NKAIN3: variants seen among roughly 807,000 people sequenced by gnomAD.
The protein encoded by NKAIN3 is sodium/potassium transporting ATPase interacting 3.
NKAIN3 carries 25 observed loss-of-function variants against 30.2 expected under a neutral mutation model. That is an observed-to-expected ratio of 0.83 (90% confidence interval 0.60 to 1.16). The LOEUF (loss-of-function observed/expected upper bound fraction) is 1.16, where lower values mean the gene tolerates loss of function less well. Ranked by LOEUF, NKAIN3 falls within the 50% of genes most tolerant of loss-of-function variation. The probability of loss-of-function intolerance (pLI) is 0.00; values close to 1 mark genes in which losing one functional copy is unlikely to be tolerated. For synonymous variants in NKAIN3, 91 were observed against 89.6 expected, an observed-to-expected ratio of 1.02 and a Z score of -0.09; for missense variants, 225 against 254.1, an observed-to-expected ratio of 0.89 and a Z score of 0.78.
At chr8:62,473,511 A>G (rs1440213154) in intron 1 of NKAIN3, 1 of 152,178 alleles carries the variant, frequency 6.6e-6, no homozygotes, top group Admixed American at 6.5e-5. Flanking sequence ...TTCTCTATGG[A>G]AGACCTATAC....
At chr8:62,490,808 A>G (rs575874705) in intron 1 of NKAIN3, among the ~76,000 whole-genome samples, 3 of 150,784 alleles carry the variant, frequency 2.0e-5, no homozygotes, top group African/African-American at 7.4e-5. Flanking sequence ...AAACAGACGT[A>G]GAATCATTAC....
At chr8:62,730,131 T>A (rs556992695) in intron 3 of NKAIN3, among the ~76,000 whole-genome samples, 2 of 152,292 alleles carry the variant, frequency 1.3e-5, no homozygotes, top group South Asian at 4.1e-4. Context: ...CTATTATATT[T>A]TTTATTTTTA....
At chr8:62,249,889 C>T (rs890568854) in intron 1 of NKAIN3, among the ~76,000 whole-genome samples, 10 of 152,182 alleles carry the variant, frequency 6.6e-5, no homozygotes, top group African/African-American at 2.2e-4. Flanking sequence ...CAGAGCAGAG[C>T]AAATGCTCCT....
rs973157229 is a variant in NKAIN3, at chr8:62,965,907, T to A, written c.*500T>A. ...CAAATAATGGATCCAGCTTTTGGAT[T>A]GAATATGGGTCATTTTTTCAACAGC... On this transcript the variant is annotated 3_prime_UTR_variant, in exon 7 of 7. Transcript: ENST00000623646. 32 of 985,274 alleles carry A rather than the reference T, an allele frequency of 3.2e-5. No individual in the cohort carries two copies. The highest frequency in any genetic ancestry group is 3.7e-5 in the Non-Finnish European group (31 of 829,882). 61.0% of individuals were successfully genotyped at this position (985,274 alleles called of 1,614,324 possible).
At chr8:62,394,872 G>A (rs1244351438) in intron 1 of NKAIN3, among the ~76,000 whole-genome samples, 4 of 145,970 alleles carry the variant, frequency 2.7e-5, no homozygotes, top group South Asian at 2.2e-4. Flanking sequence ...TGGGGCGGCC[G>A]GGGGAGGCGC....
intron 1 of NKAIN3, among the ~76,000 whole-genome samples, chr8:62,255,728 G>T (rs1400915071): frequency 6.6e-6 from 1 of 152,178 alleles, no homozygotes; most frequent in Non-Finnish European, 1.5e-5. Context: ...TAGAGTCAAA[G>T]GGTTAAGTTC....
intron 1 of NKAIN3, among the ~76,000 whole-genome samples, chr8:62,295,461 A>G (rs1164410329): frequency 6.6e-6 from 1 of 152,166 alleles, no homozygotes; most frequent in Non-Finnish European, 1.5e-5. Context: ...TCATGGTTTG[A>G]ATCCTGATTC....
intron 4 of NKAIN3, among the ~76,000 whole-genome samples, chr8:62,801,176 C>A (rs1331530046): frequency 6.6e-6 from 1 of 152,234 alleles, no homozygotes; most frequent in Non-Finnish European, 1.5e-5. Flanking sequence ...GTAGGCTCCA[C>A]CTCTGGGGGC....
chr8:62,549,791 C>T (rs1267630127), intron 1 of NKAIN3, among the ~76,000 whole-genome samples: 1 of 151,370 alleles, frequency 6.6e-6, no homozygotes, highest in African/African-American at 2.4e-5. Context: ...TTATTCCAAA[C>T]TTACTAAGGT....
intron 1 of NKAIN3, among the ~76,000 whole-genome samples, chr8:62,500,445 G>T (rs1403047257): frequency 5.4e-5 from 6 of 110,322 alleles, no homozygotes; most frequent in Non-Finnish European, 3.6e-5. Context: ...AAGAAAGAAA[G>T]AAAGAAAGAA....
At chr8:62,720,584 GCAGT>G (rs1321304616) in intron 3 of NKAIN3, among the ~76,000 whole-genome samples, 3 of 152,114 alleles carry the variant, frequency 2.0e-5, no homozygotes, top group African/African-American at 7.2e-5. Context: ...CTGTGCCCAG[GCAGT>G]CAGTCTTTCT....
intron 4 of NKAIN3, among the ~76,000 whole-genome samples, chr8:62,849,172 T>G (rs1438654027): frequency 6.6e-6 from 1 of 151,998 alleles, no homozygotes; most frequent in Non-Finnish European, 1.5e-5. Context: ...AATGGTGGCC[T>G]CATAGAATAA....
intron 4 of NKAIN3, among the ~76,000 whole-genome samples, chr8:62,815,418 A>G (rs1818643129): frequency 6.6e-6 from 1 of 152,182 alleles, no homozygotes; most frequent in South Asian, 2.1e-4. Context: ...ACACAACCAA[A>G]AAAGAGAATT....
chr8:62,751,242 C>A (rs1816273389), intron 4 of NKAIN3, among the ~76,000 whole-genome samples: 1 of 152,144 alleles, frequency 6.6e-6, no homozygotes, highest in Non-Finnish European at 1.5e-5. Context: ...CACCTGGGCT[C>A]CTTATCCACC....
At chr8:62,276,926 G>A (rs866454961) in intron 1 of NKAIN3, among the ~76,000 whole-genome samples, 1 of 151,868 alleles carries the variant, frequency 6.6e-6, no homozygotes, top group African/African-American at 2.4e-5. Context: ...TTTTTTCTAT[G>A]TTTAATTTTT....
At chr8:62,730,041 A>G (rs568166619) in intron 3 of NKAIN3, among the ~76,000 whole-genome samples, 1 of 152,356 alleles carries the variant, frequency 6.6e-6, no homozygotes, top group East Asian at 1.9e-4. Context: ...AACAAATAAT[A>G]CCAAGTTTGA....
At chr8:62,891,886 A>G (rs1474129350) in intron 4 of NKAIN3, among the ~76,000 whole-genome samples, 1 of 152,072 alleles carries the variant, frequency 6.6e-6, no homozygotes, top group East Asian at 1.9e-4. Flanking sequence ...ATCTTCACAC[A>G]ATAAATACTA....
intron 3 of NKAIN3, among the ~76,000 whole-genome samples, chr8:62,742,336 A>G (rs1018529170): frequency 5.3e-5 from 8 of 152,192 alleles, no homozygotes; most frequent in Non-Finnish European, 1.0e-4. Context: ...CAGGATGACA[A>G]AGGTCTAAAG....
At chr8:62,395,872 AT>A (rs1161857503) in intron 1 of NKAIN3, among the ~76,000 whole-genome samples, 1 of 152,196 alleles carries the variant, frequency 6.6e-6, no homozygotes, top group East Asian at 1.9e-4. Flanking sequence ...TTGCATAGCT[AT>A]TTTTAAATGT....
Sources: allele counts gnomAD v4.1 joint callset (sites outside exome capture counted in the v4.1 genomes callset), GRCh38; gene constraint gnomAD v4.1.1; transcripts MANE v1.5; gene names NCBI Gene and HGNC (gene_info 2026-07-23, HGNC 2026-07-21).